The following MYOCD variants were observed in gnomAD, a reference collection of about 807,000 sequenced individuals.
MYOCD encodes myocardin.
Under a neutral mutation model 96.1 loss-of-function variants are expected in MYOCD, and 32 were observed. The ratio of observed to expected loss-of-function variants is 0.33; its 90% CI spans 0.25 to 0.45. The LOEUF is 0.45. Ranked by LOEUF, MYOCD falls within the 20% of genes least tolerant of loss-of-function variation. The pLI is 1.00. For synonymous variants in MYOCD, 469 were observed against 469.0 expected (o/e 1.00, Z 0.00); for missense variants, 1,133 against 1,200.6 (o/e 0.94, Z 0.83).
chr17:12,755,259 C>T (rs11656833), intron 10 of MYOCD, among the ~76,000 whole-genome samples: 122,767 of 152,112 alleles, frequency 0.81, 50,156 homozygotes, highest in South Asian at 0.88. Context: ...GCTAACGTTG[C>T]ACAGTGATTT....
chr17:12,714,362 C>CACA (rs1597772908), intron 2 of MYOCD, among the ~76,000 whole-genome samples: 3 of 147,748 alleles, frequency 2.0e-5, no homozygotes, highest in South Asian at 2.2e-4. Context: ...CACACACACA[C>CACA]CCCGATCTGG....
chr17:12,714,449 C>G, intron 2 of MYOCD, among the ~76,000 whole-genome samples: 1 of 151,670 alleles, frequency 6.6e-6, no homozygotes, highest in Non-Finnish European at 1.5e-5. Context: ...GACCACTGTT[C>G]TAGTAACATT....
At position 12,736,191 on chromosome 17, in the gene MYOCD, A is replaced by G; in HGVS notation, c.446A>G (p.Asp149Gly). ...GNQVSFSKST[D>G]AFAFEEDSSS... is the part of the protein sequence containing the mutation. ...CAGGTGAGTTTCTCCAAATCCACGGATGCTTTTGCCTTTGAAGAGGACAGC... is the reference window on the plus strand; with the variant it reads ...CAGGTGAGTTTCTCCAAATCCACGGGTGCTTTTGCCTTTGAAGAGGACAGC... The change falls in exon 6 of 14, where the codon GAT becomes GGT. Residue 149 changes from aspartate (D) to glycine (G), a missense_variant. Coordinates refer to ENST00000425538, the MANE Select transcript of MYOCD (RefSeq NM_001146312.3). 6.2e-7 allele frequency: 1 copy of G among 1,614,138 alleles called. No homozygotes were observed. Among genetic ancestry groups the G allele is most frequent in the Non-Finnish European group, 8.5e-7 (1 of 1,179,992 alleles).
At chr17:12,672,056 C>T (rs947823305) in intron 1 of MYOCD, 2 of 152,114 alleles carry the variant, frequency 1.3e-5, no homozygotes, top group African/African-American at 4.8e-5. Flanking sequence ...TCTGGGACTC[C>T]GTGGTCTTGG....
intron 5 of MYOCD, 115 bp from the exon 6 acceptor site, chr17:12,736,046 C>G: frequency 1.1e-6 from 1 of 884,574 alleles, no homozygotes; most frequent in South Asian, 1.7e-5. Flanking sequence ...AAACTTAAAA[C>G]AAACTGGAGA....
chr17:12,748,693 TGTA>T (rs968183114), intron 9 of MYOCD, among the ~76,000 whole-genome samples: 4 of 152,148 alleles, frequency 2.6e-5, no homozygotes, highest in Non-Finnish European at 5.9e-5. Context: ...TATTTAATAA[TGTA>T]GTTAAATTAT....
rs2033305857 is a variant in MYOCD, at chr17:12,765,236, T to C, written c.*1592T>C. The C allele has an allele frequency of 6.6e-6, 1 of 152,146 alleles. No homozygotes were observed. 9.4% of individuals were successfully genotyped at this position (152,146 alleles called of 1,614,324 possible). A position where few individuals can be genotyped will look rare whatever the true frequency, so the allele number is the denominator to read the frequency against. Reference sequence around the variant, plus strand: ...GGCTCCAGTTCACCATTTTATATTGTTGCATGCTGTAGAAAGGAGCTATTG... The same window carrying C: ...GGCTCCAGTTCACCATTTTATATTGCTGCATGCTGTAGAAAGGAGCTATTG... On this transcript the variant is annotated 3_prime_UTR_variant, in exon 14 of 14. Coordinates refer to ENST00000425538, the MANE Select transcript of MYOCD (RefSeq NM_001146312.3).
intron 5 of MYOCD, among the ~76,000 whole-genome samples, chr17:12,730,758 C>T (rs2032147261): frequency 6.6e-6 from 1 of 152,112 alleles, no homozygotes; most frequent in South Asian, 2.1e-4. Context: ...GGTAGTCTGT[C>T]CATGATTTAA....
chr17:12,725,314 T>TA (rs2031963669), intron 5 of MYOCD, among the ~76,000 whole-genome samples: 1 of 150,686 alleles, frequency 6.6e-6, no homozygotes, highest in Admixed American at 6.6e-5. Flanking sequence ...ATATATTTTC[T>TA]AAAAATCTAT....
rs372519617 is a variant in MYOCD, at chr17:12,752,646, G to C, written c.1358G>C (p.Ser453Thr). 1 of 1,613,872 alleles carries C rather than the reference G, an allele frequency of 6.2e-7. No homozygotes were observed. Among genetic ancestry groups the C allele is most frequent in the African/African-American group, 1.3e-5 (1 of 74,926 alleles). ...SNGFYHFGST[S>T]SSPPISPASS... ...GGCTTCTACCACTTTGGCAGCACCA[G>C]CTCCAGCCCCCCGATCTCCCCAGCC... Residue 453 changes from serine (S) to threonine (T), a missense_variant, in exon 10 of 14, where the codon AGC (serine) becomes ACC (threonine). Coordinates refer to ENST00000425538, the MANE Select transcript of MYOCD (RefSeq NM_001146312.3).
At chr17:12,761,332 A>T (rs1282080503) in intron 13 of MYOCD, 1 of 152,200 alleles carries the variant, frequency 6.6e-6, no homozygotes, top group Non-Finnish European at 1.5e-5. Flanking sequence ...AGCCAAAAAC[A>T]TTTAAAATTT....
chr17:12,750,116 A>C lies in MYOCD; in HGVS notation c.1126-2298A>C, dbSNP rs376521344. Among the ~76,000 whole-genome samples the C allele has an allele frequency of 5.3e-5, 8 of 152,038 alleles. No individual in the cohort carries two copies. In the East Asian group the frequency reaches 1.6e-3, roughly 30 times the overall value. On this transcript the variant is annotated intron_variant, in intron 9 of 13. Coordinates refer to ENST00000425538, the MANE Select transcript of MYOCD (RefSeq NM_001146312.3). ...CCTCCCAAAGTTCTGGGATTACAGGAGTGAGCCACGGCGCCCGGCTAAAGT... is the reference window on the plus strand; with the variant it reads ...CCTCCCAAAGTTCTGGGATTACAGGCGTGAGCCACGGCGCCCGGCTAAAGT...
intron 5 of MYOCD, among the ~76,000 whole-genome samples, chr17:12,734,504 C>CTTTT (rs3050319): frequency 0.4 from 26,108 of 65,596 alleles, 6,783 homozygotes; most frequent in East Asian, 0.47. Flanking sequence ...ACACATGATC[C>CTTTT]TTTTTTTTTT....
chr17:12,761,517 A>G (rs953536980), intron 13 of MYOCD: 1 of 152,108 alleles, frequency 6.6e-6, no homozygotes, highest in African/African-American at 2.4e-5. Flanking sequence ...AAGAAGGAAG[A>G]GATGGGTACA....
Position 12,759,066 on chromosome 17 carries a change from A to G in MYOCD, c.2331+853A>G, listed in dbSNP as rs367886075. Among the ~76,000 whole-genome samples the G allele has an allele frequency of 7.4e-4, 113 of 152,200 alleles. 4 individuals are homozygous for G. The South Asian group carries it at 0.013, about 17-fold the overall frequency. ...TCCATCTCAAAAAAAAAAGAAAAAG[A>G]AAAAGAGAAACAATTAATGATCCCC... On this transcript the variant is annotated intron_variant, in intron 12 of 13. Transcript: ENST00000425538.
At chr17:12,722,779 A>G (rs895221849) in intron 4 of MYOCD, 68 bp from the exon 5 acceptor site, 1 of 1,410,016 alleles carries the variant, frequency 7.1e-7, no homozygotes, top group African/African-American at 1.4e-5. Context: ...CCACAAGCCA[A>G]AAAACAAAAA....
intron 9 of MYOCD, among the ~76,000 whole-genome samples, chr17:12,751,594 A>G (rs2032854234): frequency 6.6e-6 from 1 of 152,222 alleles, no homozygotes; most frequent in South Asian, 2.1e-4. Context: ...ACAATTTGCC[A>G]GGCACTATTC....
intron 1 of MYOCD, among the ~76,000 whole-genome samples, chr17:12,668,229 A>G (rs1229596677): frequency 1.3e-5 from 2 of 151,992 alleles, no homozygotes; most frequent in African/African-American, 4.8e-5. Context: ...TCTCTCTTTC[A>G]CTGTTTTCCC....
intron 9 of MYOCD, among the ~76,000 whole-genome samples, chr17:12,747,276 G>A (rs1447081674): frequency 1.3e-5 from 2 of 152,186 alleles, no homozygotes; most frequent in East Asian, 3.9e-4. Flanking sequence ...GAAAGAGAGA[G>A]ATGGGCAGGA....
Sources: gnomAD v4.1 joint callset for allele counts (sites outside exome capture counted in the v4.1 genomes callset) on GRCh38, gnomAD v4.1.1 for gene constraint, MANE v1.5 for transcripts, NCBI Gene and HGNC (gene_info 2026-07-23, HGNC 2026-07-21) for gene names.